The following SGCZ variants were observed in gnomAD, a reference collection of about 807,000 sequenced individuals.
The protein encoded by SGCZ is sarcoglycan zeta.
In SGCZ, 40 loss-of-function variants were observed where a neutral mutation model predicts 41.3. That is an observed-to-expected ratio of 0.97 (90% CI 0.75 to 1.26). SGCZ has a LOEUF of 1.26. SGCZ is among the 50% of genes most tolerant of loss of function. The probability of loss-of-function intolerance (pLI) is 0.00; values close to 1 mark genes in which losing one functional copy is unlikely to be tolerated. For missense variants in SGCZ, 552 were observed against 369.8 expected, an observed-to-expected ratio of 1.49 and a Z score of -4.04; for synonymous variants, 206 against 137.5, an observed-to-expected ratio of 1.50 and a Z score of -3.49.
intron 2 of SGCZ, among the ~76,000 whole-genome samples, chr8:14,393,377 T>C (rs1473237942): frequency 1.3e-5 from 2 of 152,218 alleles, no homozygotes; most frequent in Non-Finnish European, 2.9e-5. Flanking sequence ...ATGTTCAAGA[T>C]GGCGACTCCA....
intron 1 of SGCZ, chr8:14,690,304 C>G (rs980558873): frequency 2.0e-5 from 3 of 151,982 alleles, no homozygotes; most frequent in African/African-American, 7.3e-5. Context: ...AAAAGTCACT[C>G]TTGACTCTTA....
chr8:14,337,813 A>G (rs923152451), intron 2 of SGCZ, among the ~76,000 whole-genome samples: 4 of 152,142 alleles, frequency 2.6e-5, no homozygotes, highest in African/African-American at 4.8e-5. Context: ...ATAATAGAAA[A>G]GATGGTTATA....
chr8:15,193,792 G>T (rs1800619747), intron 1 of SGCZ, among the ~76,000 whole-genome samples: 1 of 152,124 alleles, frequency 6.6e-6, no homozygotes, highest in African/African-American at 2.4e-5. Flanking sequence ...GTACCATTAG[G>T]CTTTACGTAA....
At position 14,087,166 on chromosome 8, in the gene SGCZ, T is replaced by C. The variant is rs140927799; in HGVS notation, c.*3277A>G. ...ATTATGTGCCAAATTATAAAACATATCATTCACAATAAAATATATATATTT... is the reference window on the plus strand; with the variant it reads ...ATTATGTGCCAAATTATAAAACATACCATTCACAATAAAATATATATATTT... On this transcript the variant is annotated 3_prime_UTR_variant, in exon 8 of 8. Coordinates refer to ENST00000382080, the MANE Select transcript of SGCZ (RefSeq NM_139167.4). Among the ~76,000 whole-genome samples, 1,667 of 151,640 alleles carry C rather than the reference T, an allele frequency of 0.011. 25 individuals are homozygous for C. Among genetic ancestry groups the C allele is most frequent in the African/African-American group, 0.038 (1,556 of 41,458 alleles).
intron 7 of SGCZ, among the ~76,000 whole-genome samples, chr8:14,099,319 T>C (rs1410735290): frequency 6.6e-6 from 1 of 152,238 alleles, no homozygotes; most frequent in Non-Finnish European, 1.5e-5. Context: ...AACTCTTCCC[T>C]GATCTCAATC....
chr8:14,301,147 T>C (rs1361021122), intron 3 of SGCZ, among the ~76,000 whole-genome samples: 2 of 151,942 alleles, frequency 1.3e-5, no homozygotes, highest in African/African-American at 2.4e-5. Flanking sequence ...ATGCCTCATA[T>C]GTGCTCGGTC....
rs147577644 is a variant in SGCZ at position 14,843,646 on chromosome 8, T to C, written c.40-288720A>G. Among the ~76,000 whole-genome samples, 21 of 152,256 alleles carry C rather than the reference T, an allele frequency of 1.4e-4. No individual in the cohort carries two copies. The East Asian group carries it at 3.5e-3, about 25-fold the overall frequency. ...CAGATACATGGAGACACATGATTTA[T>C]AGACACACATACAAAGCACATCCAA... On this transcript the variant is annotated intron_variant, in intron 1 of 7. Transcript: ENST00000382080.
intron 2 of SGCZ, among the ~76,000 whole-genome samples, chr8:14,419,417 A>T (rs1342252367): frequency 6.6e-6 from 1 of 151,886 alleles, no homozygotes; most frequent in Admixed American, 6.6e-5. Context: ...ATTATTTCAA[A>T]TTTATCCTCT....
rs112784583 is a variant in SGCZ at position 14,675,175 on chromosome 8, C to G, written c.40-120249G>C. On this transcript the variant is annotated intron_variant, in intron 1 of 7. Coordinates refer to ENST00000382080, the MANE Select transcript of SGCZ (RefSeq NM_139167.4). ...CAGGATGGTCTCGATCTCCTGATCT[C>G]GTGATCTGCCCACCTCGGCCTCCCA... Among the ~76,000 whole-genome samples the G allele has an allele frequency of 7.6e-3, 1,149 of 151,646 alleles. 16 individuals are homozygous for G. The highest frequency in any genetic ancestry group is 0.021 in the Middle Eastern group (6 of 290).
chr8:14,318,342 A>C (rs2117017434), intron 3 of SGCZ, among the ~76,000 whole-genome samples: 1 of 152,070 alleles, frequency 6.6e-6, no homozygotes, highest in Non-Finnish European at 1.5e-5. Flanking sequence ...CTCACGCTTT[A>C]ACAATTACTT....
At position 14,757,859 on chromosome 8, in the gene SGCZ, G is replaced by C. The variant is rs189944310; in HGVS notation, c.40-202933C>G. The stretch of plus-strand genomic sequence containing the variant: ...TCAAGTGAATGGTAACTATAAAATG[G>C]AAACTACAATTGCATAAGCAAAGAC... On this transcript the variant is annotated intron_variant, in intron 1 of 7. Transcript: ENST00000382080. 1.1e-3 allele frequency among the ~76,000 whole-genome samples: 168 copies of C among 152,204 alleles called. 1 individual carries two copies. Among genetic ancestry groups the C allele is most frequent in the Non-Finnish European group, 1.3e-3 (89 of 68,008 alleles).
intron 1 of SGCZ, among the ~76,000 whole-genome samples, chr8:14,685,006 A>T (rs1808566007): frequency 6.6e-6 from 1 of 152,330 alleles, no homozygotes; most frequent in African/African-American, 2.4e-5. Context: ...ATAATAAATT[A>T]TTAATTAGAA....
chr8:14,375,897 G>T (rs1804103758), intron 2 of SGCZ, among the ~76,000 whole-genome samples: 1 of 152,118 alleles, frequency 6.6e-6, no homozygotes, highest in Non-Finnish European at 1.5e-5. Context: ...ACAGAAAATT[G>T]AAAGCTTAAA....
At chr8:15,063,247 A>T (rs997843828) in intron 1 of SGCZ, among the ~76,000 whole-genome samples, 1 of 152,144 alleles carries the variant, frequency 6.6e-6, no homozygotes, top group Admixed American at 6.5e-5. Flanking sequence ...TAACAATAAA[A>T]ATTGTGATGT....
At chr8:14,821,484 G>A (rs1010343101) in intron 1 of SGCZ, among the ~76,000 whole-genome samples, 26 of 152,042 alleles carry the variant, frequency 1.7e-4, no homozygotes, top group African/African-American at 5.5e-4. Context: ...GCATTATCCT[G>A]ATTCCAAAAA....
At chr8:14,265,496 T>A (rs2117247077) in intron 3 of SGCZ, among the ~76,000 whole-genome samples, 1 of 152,306 alleles carries the variant, frequency 6.6e-6, no homozygotes, top group Admixed American at 6.5e-5. Flanking sequence ...TTGACGAATC[T>A]GCTTTTTTCA....
At chr8:14,708,413 G>A (rs1451104086) in intron 1 of SGCZ, among the ~76,000 whole-genome samples, 2 of 151,484 alleles carry the variant, frequency 1.3e-5, no homozygotes, top group East Asian at 3.9e-4. Context: ...TTAAAAACAG[G>A]CAGTCACTCC....
At chr8:15,072,685 T>A (rs1805398562) in intron 1 of SGCZ, among the ~76,000 whole-genome samples, 1 of 152,174 alleles carries the variant, frequency 6.6e-6, no homozygotes, top group South Asian at 2.1e-4. Context: ...AATGGGAGTT[T>A]TGAAAAATAG....
chr8:14,520,495 C>A (rs554459782), intron 2 of SGCZ, among the ~76,000 whole-genome samples: 5 of 152,070 alleles, frequency 3.3e-5, no homozygotes, highest in Admixed American at 6.6e-5. Flanking sequence ...CTTTAGGACC[C>A]CAAATATATT....
Sources: allele counts gnomAD v4.1 joint callset (sites outside exome capture counted in the v4.1 genomes callset), GRCh38; gene constraint gnomAD v4.1.1; transcripts MANE v1.5; gene names NCBI Gene and HGNC (gene_info 2026-07-23, HGNC 2026-07-21).